Variants in KCNN2 observed in about 807,000 individuals in gnomAD.
KCNN2 encodes potassium calcium-activated channel subfamily N member 2.
In KCNN2, 24 loss-of-function variants were observed where a neutral mutation model predicts 55.5. The ratio of observed to expected loss-of-function variants is 0.43; its 90% CI spans 0.31 to 0.61. The LOEUF is 0.61. KCNN2 is among the 20% of genes least tolerant of loss of function. KCNN2 has a pLI of 0.08. For synonymous variants in KCNN2, 431 were observed against 336.1 expected, an observed-to-expected ratio of 1.28 and a Z score of -3.09; for missense variants, 754 against 853.6, an observed-to-expected ratio of 0.88 and a Z score of 1.45.
At chr5:114,192,674 G>A (rs1454659881) in intron 1 of KCNN2, among the ~76,000 whole-genome samples, 1 of 152,096 alleles carries the variant, frequency 6.6e-6, no homozygotes, top group Admixed American at 6.6e-5. Flanking sequence ...TGTCGACCTG[G>A]AAATAATCTT....
At chr5:114,149,198 C>A (rs970530163) in intron 1 of KCNN2, among the ~76,000 whole-genome samples, 1 of 152,094 alleles carries the variant, frequency 6.6e-6, no homozygotes, top group African/African-American at 2.4e-5. Flanking sequence ...CCCATAATAA[C>A]CCTGGAATAA....
intron 1 of KCNN2, among the ~76,000 whole-genome samples, chr5:114,084,854 C>T (rs1359187727): frequency 6.6e-6 from 1 of 151,914 alleles, no homozygotes; most frequent in African/African-American, 2.4e-5. Context: ...AGGTACAAAA[C>T]CTGTGTCTAG....
chr5:114,263,622 A>G (rs1035310221), intron 2 of KCNN2, among the ~76,000 whole-genome samples: 5 of 152,106 alleles, frequency 3.3e-5, no homozygotes, highest in Non-Finnish European at 5.9e-5. Context: ...CTGTCTCCCA[A>G]CAAGGTAACT....
intron 2 of KCNN2, among the ~76,000 whole-genome samples, chr5:114,234,863 A>T (rs1435453938): frequency 1.3e-5 from 2 of 152,150 alleles, no homozygotes; most frequent in African/African-American, 4.8e-5. Context: ...CCTTTTGAAG[A>T]TACTCTTCAT....
intron 2 of KCNN2, among the ~76,000 whole-genome samples, chr5:114,282,533 A>C (rs1755644423): frequency 6.6e-6 from 1 of 152,074 alleles, no homozygotes; most frequent in Non-Finnish European, 1.5e-5. Context: ...ATATATTTTT[A>C]TGCAATGTGA....
intron 1 of KCNN2, among the ~76,000 whole-genome samples, chr5:114,192,127 G>A (rs956448999): frequency 2.6e-5 from 4 of 152,166 alleles, no homozygotes; most frequent in African/African-American, 9.7e-5. Flanking sequence ...GACATTGCCA[G>A]CTTTTCTTTT....
intron 3 of KCNN2, among the ~76,000 whole-genome samples, chr5:114,418,161 T>C (rs1360463735): frequency 6.6e-6 from 1 of 152,254 alleles, no homozygotes; most frequent in African/African-American, 2.4e-5. Context: ...AAAAAAATTC[T>C]TACACCTTTA....
intron 2 of KCNN2, among the ~76,000 whole-genome samples, chr5:114,338,442 C>G (rs1756960386): frequency 6.6e-6 from 1 of 152,072 alleles, no homozygotes; most frequent in African/African-American, 2.4e-5. Context: ...TTAGTAAGTA[C>G]CAAATATAGG....
intron 2 of KCNN2, among the ~76,000 whole-genome samples, chr5:114,397,146 C>T (rs986574917): frequency 2.0e-5 from 3 of 152,142 alleles, no homozygotes; most frequent in African/African-American, 2.4e-5. Flanking sequence ...AGGTTGATTT[C>T]ATGTCTTTGC....
At chr5:114,095,434 A>G (rs904686073) in intron 1 of KCNN2, among the ~76,000 whole-genome samples, 1 of 152,274 alleles carries the variant, frequency 6.6e-6, no homozygotes, top group East Asian at 1.9e-4. Flanking sequence ...CCTCAGGAGA[A>G]GAAGGTAACT....
intron 3 of KCNN2, among the ~76,000 whole-genome samples, chr5:114,450,035 C>A (rs1760603807): frequency 1.3e-5 from 2 of 152,184 alleles, no homozygotes; most frequent in African/African-American, 4.8e-5. Flanking sequence ...TGGCTGAACT[C>A]TGCAGAGCAG....
intron 2 of KCNN2, among the ~76,000 whole-genome samples, chr5:114,268,411 C>G (rs1298607628): frequency 6.6e-6 from 1 of 152,220 alleles, no homozygotes; most frequent in African/African-American, 2.4e-5. Flanking sequence ...TGCAAAGCTG[C>G]AAAGCTAATT....
At chr5:114,352,324 T>G (rs12187015) in intron 2 of KCNN2, among the ~76,000 whole-genome samples, 44,799 of 151,320 alleles carry the variant, frequency 0.3, 6,939 homozygotes, top group Non-Finnish European at 0.35. Flanking sequence ...TTTCTTTTTT[T>G]TTCCTGGTCA....
chr5:114,363,673 C>T (rs1273198994), intron 1 of KCNN2, among the ~76,000 whole-genome samples: 1 of 152,144 alleles, frequency 6.6e-6, no homozygotes, highest in Non-Finnish European at 1.5e-5. Flanking sequence ...ATGGCGTGGA[C>T]CCAGCAGCCC....
chr5:114,495,712 G>A (rs1290015670), intron 7 of KCNN2, among the ~76,000 whole-genome samples, 183 bp from the exon 8 acceptor site: 13 of 152,114 alleles, frequency 8.5e-5, no homozygotes, highest in Non-Finnish European at 1.5e-4. Flanking sequence ...CTTATATTTC[G>A]ATTATAAATC....
intron 1 of KCNN2, among the ~76,000 whole-genome samples, chr5:114,120,754 C>T (rs1248050519): frequency 6.8e-6 from 1 of 147,542 alleles, no homozygotes; most frequent in Non-Finnish European, 1.5e-5. Flanking sequence ...AATAATTAGA[C>T]CAAATAATTT....
chr5:114,221,679 A>G (rs2112593224), intron 2 of KCNN2, among the ~76,000 whole-genome samples: 1 of 152,296 alleles, frequency 6.6e-6, no homozygotes, highest in Non-Finnish European at 1.5e-5. Flanking sequence ...ATCTGCCTAT[A>G]GTTTAAACTA....
At chr5:114,338,332 C>T (rs570276789) in intron 2 of KCNN2, among the ~76,000 whole-genome samples, 16 of 152,240 alleles carry the variant, frequency 1.1e-4, no homozygotes, top group African/African-American at 2.4e-4. Context: ...AATATGTACA[C>T]GTATGTAGGG....
At chr5:114,405,197 G>A (rs964819669) in intron 3 of KCNN2, among the ~76,000 whole-genome samples, 2 of 152,184 alleles carry the variant, frequency 1.3e-5, no homozygotes, top group African/African-American at 4.8e-5. Context: ...GTGCCTGATT[G>A]CTTATGAGCG....
Sources: allele counts gnomAD v4.1 joint callset (sites outside exome capture counted in the v4.1 genomes callset), GRCh38; gene constraint gnomAD v4.1.1; transcripts MANE v1.5; gene names NCBI Gene and HGNC (gene_info 2026-07-23, HGNC 2026-07-21).